Variants in FBXW11 observed in about 807,000 individuals in gnomAD.
FBXW11 encodes the protein F-box/WD repeat-containing protein 11.
In FBXW11, 19 loss-of-function variants were observed where a neutral mutation model predicts 77.6. The observed-to-expected ratio is 0.24, with a 90% CI of 0.17 to 0.36. The LOEUF (loss-of-function observed/expected upper bound fraction) is 0.36. Ranked by LOEUF, FBXW11 falls within the 10% of genes least tolerant of loss-of-function variation. FBXW11 has a pLI of 1.00. For missense variants in FBXW11, 334 were observed against 704.2 expected (o/e 0.47, Z 5.95); for synonymous variants, 235 against 249.4 (o/e 0.94, Z 0.54).
At chr5:171,947,096 G>A (rs925875287) in intron 2 of FBXW11, among the ~76,000 whole-genome samples, 2 of 152,120 alleles carry the variant, frequency 1.3e-5, no homozygotes, top group Non-Finnish European at 2.9e-5. Context: ...TTACAGGCGT[G>A]AGCCACTGCA....
chr5:171,963,709 G>C (rs1235992912), intron 1 of FBXW11, among the ~76,000 whole-genome samples: 1 of 152,130 alleles, frequency 6.6e-6, no homozygotes, highest in Non-Finnish European at 1.5e-5. Context: ...GAGGTTTTTA[G>C]ATTAAGAGGT....
At chr5:171,936,498 CAAA>C (rs551599131) in intron 2 of FBXW11, among the ~76,000 whole-genome samples, 2 of 63,842 alleles carry the variant, frequency 3.1e-5, no homozygotes. Context: ...CCTGTCTCAC[CAAA>C]AAAAAAAAAA....
chr5:171,896,173 G>T (rs748775763), intron 6 of FBXW11, among the ~76,000 whole-genome samples: 1 of 152,112 alleles, frequency 6.6e-6, no homozygotes, highest in African/African-American at 2.4e-5. Flanking sequence ...CCAAATCTGG[G>T]AACGTACAGA....
chr5:171,979,356 T>TAA (rs1765022507), intron 1 of FBXW11, among the ~76,000 whole-genome samples: 1 of 151,760 alleles, frequency 6.6e-6, no homozygotes, highest in Non-Finnish European at 1.5e-5. Flanking sequence ...TACATACATA[T>TAA]GTACATGTAT....
intron 1 of FBXW11, among the ~76,000 whole-genome samples, chr5:171,967,869 TATATATATATATATACACACACAC>T (rs1490593358): frequency 5.4e-5 from 4 of 74,232 alleles, no homozygotes; most frequent in East Asian, 3.7e-4. Context: ...TATATATATA[TATATATATATATATACACACACAC>T]ACACACACAC....
In FBXW11 at chr5:171,996,495, T is replaced by C. The variant is rs146010927; in HGVS notation, c.45+9963A>G. On this transcript the variant is annotated intron_variant, in intron 1 of 13. Coordinates refer to ENST00000517395, the MANE Select transcript of FBXW11 (RefSeq NM_001378974.1). The stretch of plus-strand genomic sequence containing the variant: ...CAGTCTGGGCAACATGGTGAGACCC[T>C]GTCTCTACAAAAAAGAAATTAGCTG... Among the ~76,000 whole-genome samples the C allele has an allele frequency of 1.3e-4, 20 of 152,280 alleles. No individual in the cohort carries two copies. The East Asian group carries it at 3.9e-3, about 29-fold the overall frequency.
chr5:172,002,696 C>CTTTTTTTTT (rs34300477), intron 1 of FBXW11, among the ~76,000 whole-genome samples: 5 of 97,048 alleles, frequency 5.2e-5, no homozygotes, highest in African/African-American at 1.4e-4. Flanking sequence ...TTTTTCTTTT[C>CTTTTTTTTT]TTTTTTTTTT....
chr5:171,918,804 C>A (rs549007961), intron 2 of FBXW11, among the ~76,000 whole-genome samples: 1 of 152,160 alleles, frequency 6.6e-6, no homozygotes, highest in Non-Finnish European at 1.5e-5. Flanking sequence ...TTGGCCAGTG[C>A]CTGTGCCAGG....
At chr5:171,995,190 G>A (rs1765964777) in intron 1 of FBXW11, among the ~76,000 whole-genome samples, 1 of 152,164 alleles carries the variant, frequency 6.6e-6, no homozygotes, top group Non-Finnish European at 1.5e-5. Context: ...TTGTAAGGAT[G>A]ACAAACCACA....
rs1241429082 is a variant in FBXW11 at position 171,877,000 on chromosome 5, T to A, written c.972-466A>T. On this transcript the variant is annotated intron_variant, in intron 8 of 13. Coordinates refer to ENST00000517395, the MANE Select transcript of FBXW11 (RefSeq NM_001378974.1). The surrounding 1 kb of genome is among the most constrained non-coding windows in gnomAD (Gnocchi z 4.2). ...CCTTTTCTTTATAAATTACCCAGCC[T>A]CGGGTATTCCTTTATAGCAATACAA... Among the ~76,000 whole-genome samples the A allele has an allele frequency of 1.3e-5, 2 of 152,128 alleles. No homozygotes were observed. Among genetic ancestry groups the A allele is most frequent in the African/African-American group, 4.8e-5 (2 of 41,422 alleles).
At chr5:171,926,144 G>A (rs1450120104) in intron 2 of FBXW11, among the ~76,000 whole-genome samples, 2 of 152,140 alleles carry the variant, frequency 1.3e-5, no homozygotes, top group African/African-American at 4.8e-5. Flanking sequence ...AAGGAAAAGT[G>A]ATTTTGAAGT....
At chr5:171,866,550 T>C (rs6860941) in intron 13 of FBXW11, among the ~76,000 whole-genome samples, 10,370 of 152,238 alleles carry the variant, frequency 0.068, 1,113 homozygotes, top group African/African-American at 0.23. Context: ...AGAAACAGCA[T>C]TGGTGATCAC....
intron 1 of FBXW11, among the ~76,000 whole-genome samples, chr5:171,974,189 C>T (rs1764686623): frequency 6.6e-6 from 1 of 152,134 alleles, no homozygotes; most frequent in Non-Finnish European, 1.5e-5. Context: ...AATCCCAGCA[C>T]TTTGGGAGAC....
chr5:171,955,410 A>C (rs1415328886), intron 2 of FBXW11, among the ~76,000 whole-genome samples: 1 of 152,176 alleles, frequency 6.6e-6, no homozygotes, highest in Non-Finnish European at 1.5e-5. Context: ...GGTTGCTAAA[A>C]GGTGTGCAAA....
At chr5:171,890,426 G>A (rs1759263230) in intron 7 of FBXW11, among the ~76,000 whole-genome samples, 1 of 151,388 alleles carries the variant, frequency 6.6e-6, no homozygotes, top group Non-Finnish European at 1.5e-5. Context: ...AGGAGGCTGA[G>A]GTAGGACGGC....
intron 4 of FBXW11, among the ~76,000 whole-genome samples, chr5:171,902,655 T>C (rs1243828231): frequency 6.6e-6 from 1 of 152,216 alleles, no homozygotes; most frequent in African/African-American, 2.4e-5. Flanking sequence ...CATGCAAGAC[T>C]ACCATGTGCA....
chr5:171,984,264 T>G (rs1165704585), intron 1 of FBXW11, among the ~76,000 whole-genome samples: 1 of 152,254 alleles, frequency 6.6e-6, no homozygotes, highest in Admixed American at 6.5e-5. Context: ...TGTGCACACA[T>G]GTAAAAATTC....
chr5:171,953,305 G>C (rs1371434052), intron 2 of FBXW11, among the ~76,000 whole-genome samples: 1 of 152,080 alleles, frequency 6.6e-6, no homozygotes, highest in Non-Finnish European at 1.5e-5. Context: ...CAAAAATGTA[G>C]GTTTTAGTGT....
intron 6 of FBXW11, among the ~76,000 whole-genome samples, chr5:171,896,485 G>A (rs1009593573): frequency 1.5e-4 from 23 of 152,194 alleles, no homozygotes; most frequent in African/African-American, 4.3e-4. Context: ...AGGACACTGC[G>A]TATTCACACA....
Sources: gnomAD v4.1 joint callset for allele counts (sites outside exome capture counted in the v4.1 genomes callset) on GRCh38, gnomAD v4.1.1 for gene constraint, Gnocchi (gnomAD v3.1) non-coding constraint, MANE v1.5 for transcripts, NCBI Gene and HGNC (gene_info 2026-07-23, HGNC 2026-07-21) for gene names.